The following EXOC4 variants were observed in gnomAD, a reference collection of about 807,000 sequenced individuals.
EXOC4 encodes the protein SEC8-like 1.
EXOC4 carries 71 observed loss-of-function variants against 107.2 expected under a neutral mutation model. That is an observed-to-expected ratio of 0.66 (90% CI 0.55 to 0.81). EXOC4 has a LOEUF of 0.81. Among genes scored for constraint, EXOC4 ranks in the 30% least tolerant of loss-of-function variants. EXOC4 has a pLI of 0.00. For missense variants in EXOC4, 1,108 were observed against 1,189.6 expected (o/e 0.93, Z 1.01); for synonymous variants, 456 against 441.2 (o/e 1.03, Z -0.42).
intron 12 of EXOC4, among the ~76,000 whole-genome samples, chr7:133,901,831 G>A (rs1799458057): frequency 6.6e-6 from 1 of 151,964 alleles, no homozygotes; most frequent in Non-Finnish European, 1.5e-5. Context: ...TCCTCATGTT[G>A]GCATGCAGGC....
chr7:134,029,526 A>G (rs1795222412), intron 17 of EXOC4, among the ~76,000 whole-genome samples: 1 of 151,930 alleles, frequency 6.6e-6, no homozygotes, highest in African/African-American at 2.4e-5. Context: ...TATTTTATTT[A>G]TTGCTTCATG....
At chr7:133,584,007 G>T (rs1229033364) in intron 9 of EXOC4, among the ~76,000 whole-genome samples, 1 of 152,138 alleles carries the variant, frequency 6.6e-6, no homozygotes. Flanking sequence ...GGTTATAAAG[G>T]ACAAGGAGGA....
intron 10 of EXOC4, among the ~76,000 whole-genome samples, chr7:133,694,449 A>G (rs916970480): frequency 2.6e-5 from 4 of 152,162 alleles, no homozygotes; most frequent in Admixed American, 6.6e-5. Context: ...AAGAATTACA[A>G]TATTATTTCC....
intron 7 of EXOC4, among the ~76,000 whole-genome samples, chr7:133,439,182 C>CTTTTTTTTTTT (rs35280420): frequency 3.2e-5 from 3 of 94,084 alleles, no homozygotes; most frequent in Non-Finnish European, 5.7e-5. Context: ...TTCATCAGTT[C>CTTTTTTTTTTT]TTTTTTTTTT....
At chr7:133,585,408 G>C (rs773483299) in intron 9 of EXOC4, among the ~76,000 whole-genome samples, 2 of 152,140 alleles carry the variant, frequency 1.3e-5, no homozygotes, top group African/African-American at 2.4e-5. Flanking sequence ...CATTTAAGAA[G>C]TATTTACTTT....
intron 2 of EXOC4, among the ~76,000 whole-genome samples, chr7:133,282,630 C>A (rs1421312608): frequency 6.6e-6 from 1 of 151,828 alleles, no homozygotes; most frequent in African/African-American, 2.4e-5. Context: ...ATTAAAAAAA[C>A]CTTTTTTTTT....
chr7:133,834,786 T>C (rs965293773), intron 11 of EXOC4, among the ~76,000 whole-genome samples: 12 of 152,188 alleles, frequency 7.9e-5, no homozygotes, highest in African/African-American at 2.9e-4. Flanking sequence ...TCTCTTTAAG[T>C]GAATGATATA....
chr7:133,666,501 T>TC (rs1482774200), intron 10 of EXOC4, among the ~76,000 whole-genome samples: 1 of 152,058 alleles, frequency 6.6e-6, no homozygotes, highest in Non-Finnish European at 1.5e-5. Flanking sequence ...TGTCTTTTTT[T>TC]CCCCTCCCTC....
chr7:133,716,770 G>A (rs1245377059), intron 10 of EXOC4, among the ~76,000 whole-genome samples: 3 of 151,942 alleles, frequency 2.0e-5, no homozygotes, highest in Non-Finnish European at 4.4e-5. Context: ...GTGAAACCTC[G>A]TCTTTACTAA....
At chr7:133,660,177 AT>A (rs34121830) in intron 10 of EXOC4, among the ~76,000 whole-genome samples, 10,599 of 148,398 alleles carry the variant, frequency 0.071, 411 homozygotes, top group Middle Eastern at 0.13. Context: ...GTTTTCATTA[AT>A]TTTTTTTTTT....
chr7:133,351,238 T>G (rs1471575316), intron 5 of EXOC4, among the ~76,000 whole-genome samples: 1 of 152,020 alleles, frequency 6.6e-6, no homozygotes, highest in Non-Finnish European at 1.5e-5. Context: ...CTTAGGAAGT[T>G]TTATTCCTTT....
intron 11 of EXOC4, among the ~76,000 whole-genome samples, chr7:133,830,309 T>C (rs1007537671): frequency 6.6e-6 from 1 of 152,232 alleles, no homozygotes; most frequent in Non-Finnish European, 1.5e-5. Flanking sequence ...TGTTTGCCCA[T>C]GGCTTCTGAC....
intron 10 of EXOC4, among the ~76,000 whole-genome samples, chr7:133,656,285 A>C (rs1803293315): frequency 6.6e-6 from 1 of 152,178 alleles, no homozygotes; most frequent in Non-Finnish European, 1.5e-5. Context: ...CATAGAATAT[A>C]CTGCTTTCTT....
chr7:133,823,212 G>A (rs1168921444), intron 11 of EXOC4, among the ~76,000 whole-genome samples: 3 of 152,186 alleles, frequency 2.0e-5, no homozygotes, highest in Non-Finnish European at 2.9e-5. Context: ...CTTTTGAGAA[G>A]TGAAATGGCT....
intron 11 of EXOC4, among the ~76,000 whole-genome samples, chr7:133,840,551 C>G (rs1798004880): frequency 6.7e-6 from 1 of 149,420 alleles, no homozygotes; most frequent in Non-Finnish European, 1.5e-5. Context: ...GTCCCCCAGG[C>G]TGGAGTGCAG....
At chr7:133,751,557 G>A (rs1339920854) in intron 10 of EXOC4, among the ~76,000 whole-genome samples, 1 of 152,152 alleles carries the variant, frequency 6.6e-6, no homozygotes, top group African/African-American at 2.4e-5. Context: ...ATTGAAGCAG[G>A]AAGGCATAAG....
intron 9 of EXOC4, among the ~76,000 whole-genome samples, chr7:133,569,508 T>C (rs1212552466): frequency 6.6e-6 from 1 of 152,234 alleles, no homozygotes; most frequent in Non-Finnish European, 1.5e-5. Flanking sequence ...TATGAAAGTC[T>C]TTTAAAAACC....
At chr7:134,020,688 G>A (rs947450260) in intron 17 of EXOC4, among the ~76,000 whole-genome samples, 3 of 152,108 alleles carry the variant, frequency 2.0e-5, no homozygotes, top group African/African-American at 2.4e-5. Context: ...AGCTCTCTTG[G>A]CTGAAGTTTC....
chr7:133,730,309 C>G (rs369622652), intron 10 of EXOC4, among the ~76,000 whole-genome samples: 1 of 151,570 alleles, frequency 6.6e-6, no homozygotes, highest in East Asian at 1.9e-4. Flanking sequence ...ATTACATTCT[C>G]TACCTGGACA....
Sources: allele counts gnomAD v4.1 joint callset (sites outside exome capture counted in the v4.1 genomes callset), GRCh38; gene constraint gnomAD v4.1.1; transcripts MANE v1.5; gene names NCBI Gene and HGNC (gene_info 2026-07-23, HGNC 2026-07-21).